Variants in SNTA1 observed in about 807,000 individuals in gnomAD.
SNTA1 encodes the protein syntrophin alpha 1.
SNTA1 carries 31 observed loss-of-function variants against 47.1 expected under a neutral mutation model. The ratio of observed to expected loss-of-function variants is 0.66; its 90% CI spans 0.49 to 0.89. The LOEUF (loss-of-function observed/expected upper bound fraction) is 0.89. SNTA1 is among the 40% of genes least tolerant of loss of function. The pLI is 0.00. For synonymous variants in SNTA1, 300 were observed against 313.6 expected (o/e 0.96, Z 0.46); for missense variants, 575 against 693.0 (o/e 0.83, Z 1.91).
rs370893672 is a variant in SNTA1, at chr20:33,438,991, T to C, written c.346A>G (p.Lys116Glu). Residue 116 changes from lysine to glutamate, a missense_variant, in exon 2 of 8, where the codon AAG becomes GAG. Physicochemically the swap from Lys to Glu is moderately conservative, Grantham distance 56 (BLOSUM62 1). Transcript: ENST00000217381. ...RENKMPILIS[K>E]IFKGLAADQT... ...TCAGCTGCCAATCCCTTGAAGATCT[T>C]GGAAATGAGAATAGGCATCTTGTTC... 5.5e-5 allele frequency: 89 copies of C among 1,613,994 alleles called. No homozygotes were observed. Among genetic ancestry groups the C allele is most frequent in the Non-Finnish European group, 7.3e-5 (86 of 1,180,010 alleles).
chr20:33,431,256 G>A (rs1990300269), intron 2 of SNTA1, among the ~76,000 whole-genome samples: 1 of 152,112 alleles, frequency 6.6e-6, no homozygotes, highest in South Asian at 2.1e-4. Context: ...GTGAGACCCT[G>A]TCTCTTACAA....
intron 5 of SNTA1, among the ~76,000 whole-genome samples, 198 bp from the exon 6 acceptor site, chr20:33,410,529 A>G (rs1475089979): frequency 6.6e-6 from 1 of 152,196 alleles, no homozygotes; most frequent in Non-Finnish European, 1.5e-5. Flanking sequence ...GGCTCTGGCT[A>G]TACTGGTGTC....
intron 1 of SNTA1, among the ~76,000 whole-genome samples, chr20:33,442,536 T>A (rs1376313345): frequency 6.6e-6 from 1 of 152,180 alleles, no homozygotes; most frequent in African/African-American, 2.4e-5. Flanking sequence ...TGTGCTGGTG[T>A]GGTGAGCCCT....
At chr20:33,436,923 G>C (rs1032856983) in intron 2 of SNTA1, among the ~76,000 whole-genome samples, 2 of 140,136 alleles carry the variant, frequency 1.4e-5, no homozygotes, top group African/African-American at 5.4e-5. Context: ...CCAAGATCGC[G>C]CCACTGCTCC....
At chr20:33,417,673 C>T (rs771069514) in intron 3 of SNTA1, 46 bp downstream of exon 3, 23 of 1,407,246 alleles carry the variant, frequency 1.6e-5, no homozygotes, top group Admixed American at 6.7e-5. Flanking sequence ...CACCACCTGA[C>T]GCCAGGGCAT....
chr20:33,441,074 T>C (rs1990565799), intron 1 of SNTA1, among the ~76,000 whole-genome samples: 2 of 152,342 alleles, frequency 1.3e-5, no homozygotes, highest in African/African-American at 4.8e-5. Context: ...AATGCCCTTT[T>C]AAAATAAGAA....
chr20:33,441,283 C>T (rs1990571318), intron 1 of SNTA1, among the ~76,000 whole-genome samples: 2 of 152,166 alleles, frequency 1.3e-5, no homozygotes, highest in African/African-American at 2.4e-5. Context: ...AGTATTTGCA[C>T]CTAGGCCTCC....
In SNTA1 at chr20:33,408,776, G is replaced by C; in HGVS notation, c.1350C>G (p.Phe450Leu). Residue 450 changes from phenylalanine (F) to leucine (L), a missense_variant, in exon 7 of 8, where the codon TTC (phenylalanine) becomes TTG (leucine). Physicochemically the swap from Phe to Leu is conservative, Grantham distance 22. Coordinates refer to ENST00000217381, the MANE Select transcript of SNTA1 (RefSeq NM_003098.3). Reference sequence around the variant, plus strand: ...CATCTGAAGACATCTGCAGCTTCTCGAAGGGCTGTCGCAGGAGCACAGCTC... The same window carrying C: ...CATCTGAAGACATCTGCAGCTTCTCCAAGGGCTGTCGCAGGAGCACAGCTC... ...AARAVLLRQP[F>L]EKLQMSSDDG... 1 of 1,614,120 alleles carries C rather than the reference G, an allele frequency of 6.2e-7. No individual in the cohort carries two copies. The highest frequency in any genetic ancestry group is 1.3e-5 in the African/African-American group (1 of 75,030).
At chr20:33,442,700 G>A (rs1600867453) in intron 1 of SNTA1, among the ~76,000 whole-genome samples, 1 of 152,084 alleles carries the variant, frequency 6.6e-6, no homozygotes, top group African/African-American at 2.4e-5. Flanking sequence ...GGTCAGTCCT[G>A]GGGGCTGAAA....
rs1568765314 is a variant in SNTA1, at chr20:33,443,722, G to GGCCAGCCGC, written c.-111_-103dup. 2.8e-6 allele frequency: 2 copies of GGCCAGCCGC among 720,912 alleles called. No homozygotes were observed. Among genetic ancestry groups the GGCCAGCCGC allele is most frequent in the Non-Finnish European group, 3.6e-6 (2 of 558,148 alleles). The allele number at this position is 720,912 out of a possible 1,614,324, so 44.7% of individuals were successfully genotyped here. A position where few individuals can be genotyped will look rare whatever the true frequency, so the allele number is the denominator to read the frequency against. On this transcript the variant is annotated 5_prime_UTR_variant, in exon 1 of 8. Transcript: ENST00000217381. ...GCAGAGGGCAGCGGGGGCCCGGCTG[G>GGCCAGCCGC]GCCAGCCGCCACCCTACCCCGGCCG...
chr20:33,412,669 G>A lies in SNTA1; in HGVS notation c.815C>T (p.Thr272Met), dbSNP rs144465646. The change falls in exon 4 of 8, where the codon ACG becomes ATG. Residue 272 changes from threonine to methionine, a missense_variant. Coordinates refer to ENST00000217381, the MANE Select transcript of SNTA1 (RefSeq NM_003098.3). ...TAIQAQVNTLTPRVKDELQAL... is the reference protein window; with the variant it reads ...TAIQAQVNTLMPRVKDELQAL... Reference sequence around the variant, plus strand: ...CTGCAGCTCATCCTTGACCCGCGGCGTCAGAGTATTGACCTGGGCTTGGAT... The same window carrying A: ...CTGCAGCTCATCCTTGACCCGCGGCATCAGAGTATTGACCTGGGCTTGGAT... 6.8e-5 allele frequency: 109 copies of A among 1,613,892 alleles called. 1 individual carries two copies. The East Asian group carries it at 1.6e-3, about 24-fold the overall frequency.
chr20:33,438,877 C>A lies in SNTA1; in HGVS notation c.460G>T (p.Val154Phe). 1 of 1,614,158 alleles carries A rather than the reference C, an allele frequency of 6.2e-7. No homozygotes were observed. Among genetic ancestry groups the A allele is most frequent in the Non-Finnish European group, 8.5e-7 (1 of 1,180,018 alleles). The change falls in exon 2 of 8, where the codon GTC becomes TTC. Residue 154 changes from valine to phenylalanine, a missense_variant. Coordinates refer to ENST00000217381, the MANE Select transcript of SNTA1 (RefSeq NM_003098.3). ...ACCTCCTTGCCTGTCTTCTTGAGGA[C>A]CTGCACCGCCTCATCATGGGTAGCA... ...SSATHDEAVQ[V>F]LKKTGKEVVL...
At chr20:33,435,202 G>A (rs1738527201) in intron 2 of SNTA1, among the ~76,000 whole-genome samples, 1 of 148,250 alleles carries the variant, frequency 6.7e-6, no homozygotes, top group South Asian at 2.1e-4. Context: ...ATGTTGGCCA[G>A]GCTGGTCTCA....
intron 2 of SNTA1, among the ~76,000 whole-genome samples, chr20:33,426,283 T>C (rs2146788226): frequency 6.8e-6 from 1 of 146,818 alleles, no homozygotes; most frequent in African/African-American, 2.5e-5. Context: ...ACCCTGTCTC[T>C]ACTAAAAATA....
At chr20:33,408,913 G>A (rs1989667399) in intron 6 of SNTA1, 25 bp from the exon 7 acceptor site, 5 of 1,603,832 alleles carry the variant, frequency 3.1e-6, no homozygotes, top group South Asian at 1.1e-5. Flanking sequence ...CATAGGTACA[G>A]GCACAGCTGG....
Position 33,417,919 on chromosome 20 carries a change from C to T in SNTA1, c.501G>A (p.Lys167=). The change falls in exon 3 of 8, where the codon AAG becomes AAA. Residue 167 remains lysine, a synonymous_variant. Transcript: ENST00000217381. ...AATACGGTGAGACGTCCTTCATATACTTGACTGATTGGGAGAGACATCAGC... is the reference window on the plus strand; with the variant it reads ...AATACGGTGAGACGTCCTTCATATATTTGACTGATTGGGAGAGACATCAGC... The part of the protein sequence containing the change: ...KTGKEVVLEV[K]YMKDVSPYFK... 6.2e-7 allele frequency: 1 copy of T among 1,611,730 alleles called. No homozygotes were observed. The highest frequency in any genetic ancestry group is 8.5e-7 in the Non-Finnish European group (1 of 1,177,866).
At chr20:33,430,287 C>CTTTTT (rs951409757) in intron 2 of SNTA1, among the ~76,000 whole-genome samples, 3 of 131,524 alleles carry the variant, frequency 2.3e-5, no homozygotes, top group Non-Finnish European at 3.2e-5. Flanking sequence ...TTACTTTTTT[C>CTTTTT]TTTTTTTTTT....
intron 2 of SNTA1, among the ~76,000 whole-genome samples, chr20:33,428,556 T>C (rs1990218533): frequency 6.6e-6 from 1 of 152,010 alleles, no homozygotes; most frequent in Non-Finnish European, 1.5e-5. Flanking sequence ...TATAAGATGA[T>C]CCCTTTACAC....
chr20:33,431,069 A>T (rs1990296083), intron 2 of SNTA1, among the ~76,000 whole-genome samples: 1 of 151,278 alleles, frequency 6.6e-6, no homozygotes. Context: ...ACCAGCCTGG[A>T]CAATATAGTG....
Sources: allele counts gnomAD v4.1 joint callset (sites outside exome capture counted in the v4.1 genomes callset), GRCh38; gene constraint gnomAD v4.1.1; transcripts MANE v1.5; gene names NCBI Gene and HGNC (gene_info 2026-07-23, HGNC 2026-07-21).